Variants in BANP observed in about 807,000 individuals in gnomAD.
BANP encodes protein BANP.
A neutral mutation model predicts 68.1 loss-of-function variants in BANP; 11 were observed. The ratio of observed to expected loss-of-function variants is 0.16; its 90% CI spans 0.10 to 0.27. The LOEUF is 0.27. Ranked by LOEUF, BANP falls within the 10% of genes least tolerant of loss-of-function variation. The pLI, the probability that BANP is intolerant of heterozygous loss-of-function variation, is 1.00. For missense variants in BANP, 504 were observed against 722.7 expected, an observed-to-expected ratio of 0.70 and a Z score of 3.47; for synonymous variants, 329 against 303.2, an observed-to-expected ratio of 1.09 and a Z score of -0.88.
rs536831807 is a variant in BANP, at chr16:88,072,275, G to A, written c.1521+63G>A. On this transcript the variant is annotated intron_variant, in intron 13 of 13. Transcript: ENST00000682872. The stretch of plus-strand genomic sequence containing the variant: ...GGCATGGCCGCCTGCCGCTGCCACC[G>A]GGCACACGTGGCCCCGGGGCTTTCT... 4.5e-5 allele frequency: 69 copies of A among 1,537,516 alleles called. No individual in the cohort carries two copies. The African/African-American group carries it at 5.7e-4, about 13-fold the overall frequency.
At chr16:88,063,223 C>T (rs2152883552) in intron 11 of BANP, among the ~76,000 whole-genome samples, 2 of 152,380 alleles carry the variant, frequency 1.3e-5, no homozygotes, top group Middle Eastern at 3.4e-3. Context: ...TATCTGCTGA[C>T]CCCGGTTCCC....
intron 11 of BANP, among the ~76,000 whole-genome samples, chr16:88,052,462 A>G (rs1406622878): frequency 6.6e-6 from 1 of 152,022 alleles, no homozygotes; most frequent in Non-Finnish European, 1.5e-5. Flanking sequence ...CTTTTCTAGG[A>G]CCGTTCAAGG....
At chr16:88,042,311 G>A (rs898543770) in intron 11 of BANP, among the ~76,000 whole-genome samples, 1 of 152,224 alleles carries the variant, frequency 6.6e-6, no homozygotes, top group African/African-American at 2.4e-5. Context: ...TGGCGGGTGC[G>A]CAGGTGTGGG....
intron 11 of BANP, among the ~76,000 whole-genome samples, chr16:88,053,863 T>A (rs62652213): frequency 0.15 from 8,714 of 59,782 alleles, 313 homozygotes; most frequent in Non-Finnish European, 0.26. Flanking sequence ...CCCCACCTCC[T>A]TCACTATCAT....
At chr16:88,020,861 C>A (rs1452051564) in intron 7 of BANP, among the ~76,000 whole-genome samples, 2 of 152,118 alleles carry the variant, frequency 1.3e-5, no homozygotes, top group African/African-American at 4.8e-5. Context: ...TAATCGAGCA[C>A]AGGGAATGTT....
Position 88,057,092 on chromosome 16 carries a change from T to C in BANP, c.1312-8175T>C, listed in dbSNP as rs2085250077. On this transcript the variant is annotated intron_variant, in intron 11 of 13. Transcript: ENST00000682872. The surrounding 1 kb of genome is among the most constrained non-coding windows in gnomAD (Gnocchi z 4.6). Reference sequence around the variant, plus strand: ...GAGAACTTTTTCTGAATAAGGGAGTTTTGGTGATTCTTTGGGTGTTCTGAG... The same window carrying C: ...GAGAACTTTTTCTGAATAAGGGAGTCTTGGTGATTCTTTGGGTGTTCTGAG... 6.6e-6 allele frequency among the ~76,000 whole-genome samples: 1 copy of C among 152,134 alleles called. No homozygotes were observed. The highest frequency in any genetic ancestry group is 1.5e-5 in the Non-Finnish European group (1 of 68,018).
Position 88,075,054 on chromosome 16 carries a change from A to C in BANP, c.1522-1536A>C, listed in dbSNP as rs187866540. ...CCCCCATCTCTACAAAACGTAAAAA[A>C]ATTAGCTGGGGCCGGGCACGGTAGC... On this transcript the variant is annotated intron_variant, in intron 13 of 13. Coordinates refer to ENST00000682872, the MANE Select transcript of BANP (RefSeq NM_001386991.1). Among the ~76,000 whole-genome samples, 474 of 152,224 alleles carry C rather than the reference A, an allele frequency of 3.1e-3. 1 individual carries two copies. Among genetic ancestry groups the C allele is most frequent in the African/African-American group, 0.011 (455 of 41,534 alleles).
intron 11 of BANP, among the ~76,000 whole-genome samples, chr16:88,062,993 T>C (rs577615506): frequency 6.6e-6 from 1 of 152,374 alleles, no homozygotes; most frequent in East Asian, 1.9e-4. Context: ...GTTTAAGATC[T>C]GACTGCTGAG....
chr16:88,001,570 C>T (rs960865098), intron 4 of BANP, among the ~76,000 whole-genome samples: 13 of 152,210 alleles, frequency 8.5e-5, no homozygotes, highest in East Asian at 5.8e-4. Context: ...ATTTAAATCG[C>T]GTTAGTTGAA....
chr16:87,998,504 T>G (rs1056752112), intron 4 of BANP, among the ~76,000 whole-genome samples: 2 of 152,216 alleles, frequency 1.3e-5, no homozygotes, highest in Non-Finnish European at 2.9e-5. Context: ...ACCCGGCTCC[T>G]GAGGCTCCAT....
At chr16:88,051,182 G>A (rs1428571640) in intron 11 of BANP, among the ~76,000 whole-genome samples, 1 of 152,230 alleles carries the variant, frequency 6.6e-6, no homozygotes, top group Non-Finnish European at 1.5e-5. Context: ...TCCAGGATGG[G>A]GGCTCCCCAG....
At chr16:88,029,807 G>A (rs868560691) in intron 8 of BANP, among the ~76,000 whole-genome samples, 4 of 152,290 alleles carry the variant, frequency 2.6e-5, no homozygotes, top group East Asian at 3.9e-4. Flanking sequence ...GGGAGATACC[G>A]GGCAGAGACA....
At chr16:87,993,402 T>TTC (rs1424613312) in intron 4 of BANP, among the ~76,000 whole-genome samples, 5 of 151,826 alleles carry the variant, frequency 3.3e-5, no homozygotes, top group Non-Finnish European at 5.9e-5. Flanking sequence ...TATTCACCTA[T>TTC]TCACTCATCC....
chr16:88,071,542 G>T lies in BANP; in HGVS notation c.1378-527G>T. On this transcript the variant is annotated intron_variant, in intron 12 of 13. Coordinates refer to ENST00000682872, the MANE Select transcript of BANP (RefSeq NM_001386991.1). This position sits in a 1 kb window ranked among gnomAD's most constrained non-coding sequence, Gnocchi z 6.5. ...TCTTGGAACTGGGCCTCACTTTCCT[G>T]CGAGCTTCTGCTGGGTTCTCAGTGC... is the stretch of plus-strand genomic sequence containing the variant. 2.2e-6 allele frequency: 1 copy of T among 456,644 alleles called. No individual in the cohort carries two copies. Among genetic ancestry groups the T allele is most frequent in the Non-Finnish European group, 4.4e-6 (1 of 226,986 alleles). 28.3% of individuals were successfully genotyped at this position (456,644 alleles called of 1,614,324 possible).
chr16:87,980,931 T>C (rs2063134824), intron 2 of BANP, 105 bp from the exon 3 acceptor site: 5 of 743,738 alleles, frequency 6.7e-6, no homozygotes, highest in Non-Finnish European at 1.2e-5. Flanking sequence ...TTCTGCTGTT[T>C]CTCCTTCAAC....
intron 7 of BANP, among the ~76,000 whole-genome samples, chr16:88,026,533 A>G (rs961262774): frequency 1.1e-4 from 17 of 152,174 alleles, no homozygotes; most frequent in African/African-American, 4.1e-4. Flanking sequence ...CAGTGCATAC[A>G]TGAATTCTCC....
intron 11 of BANP, among the ~76,000 whole-genome samples, chr16:88,056,588 T>C (rs1250073688): frequency 6.6e-6 from 1 of 152,146 alleles, no homozygotes; most frequent in African/African-American, 2.4e-5. Context: ...TGAAATGTCT[T>C]TATCACAACC....
rs778265845 is a variant in BANP at position 88,027,627 on chromosome 16, A to C, written c.1040A>C (p.Asn347Thr). ...AAGAGCTTCTCGCGGAGAACGCCCA[A>C]CTCGTCCTCCTACTGCCCTTCAGGT... ...AVKSFSRRTP[N>T]SSSYCPSEPM... The change falls in exon 8 of 14, where the codon AAC becomes ACC. Residue 347 changes from asparagine to threonine, a missense_variant. Transcript: ENST00000682872. 1.2e-6 allele frequency: 2 copies of C among 1,613,544 alleles called. No homozygotes were observed. Among genetic ancestry groups the C allele is most frequent in the Non-Finnish European group, 1.7e-6 (2 of 1,179,860 alleles).
chr16:88,066,029 G>A (rs1367757061), intron 12 of BANP, among the ~76,000 whole-genome samples: 1 of 152,204 alleles, frequency 6.6e-6, no homozygotes, highest in Non-Finnish European at 1.5e-5. Context: ...TTACGAGCCT[G>A]GGATAGCGTC....
Sources: gnomAD v4.1 joint callset for allele counts (sites outside exome capture counted in the v4.1 genomes callset) on GRCh38, gnomAD v4.1.1 for gene constraint, Gnocchi (gnomAD v3.1) non-coding constraint, MANE v1.5 for transcripts, NCBI Gene and HGNC (gene_info 2026-07-23, HGNC 2026-07-21) for gene names.